Variants in TMEM52 observed in about 807,000 individuals in gnomAD.
The protein encoded by TMEM52 is transmembrane protein 52.
Under a neutral mutation model 16.2 loss-of-function variants are expected in TMEM52, and 14 were observed. The ratio of observed to expected loss-of-function variants is 0.87; its 90% CI spans 0.57 to 1.35. The LOEUF is 1.35. Among genes scored for constraint, TMEM52 ranks in the 40% most tolerant of loss-of-function variants. The pLI is 0.00. For missense variants in TMEM52, 309 were observed against 278.6 expected (o/e 1.11, Z -0.78); for synonymous variants, 136 against 124.7 (o/e 1.09, Z -0.60).
Position 1,919,277 on chromosome 1 carries a change from G to A in TMEM52, c.-12C>T. 2.9e-6 allele frequency: 4 copies of A among 1,379,728 alleles called. No homozygotes were observed. Among genetic ancestry groups the A allele is most frequent in the South Asian group, 1.7e-5 (1 of 59,878 alleles). The allele number at this position is 1,379,728 out of a possible 1,614,324, so 85.5% of individuals were successfully genotyped here. ...GGCCCCCGGGCCATGCTCTGAGGAG[G>A]TTGGAGCAAAGCCCGGCGGCGCGGC... On this transcript the variant is annotated 5_prime_UTR_variant, in exon 1 of 5. Coordinates refer to ENST00000310991, the MANE Select transcript of TMEM52 (RefSeq NM_178545.4).
chr1:1,918,895 C>T lies in TMEM52; in HGVS notation c.168G>A (p.Val56=). ...PQARWSSLWH[V]GLILLAVLLL... ...GCTCCGCCGCGGCCTCCACTTACCCCACGTGCCACAGGCTGCTCCAGCGGG... is the reference window on the plus strand; with the variant it reads ...GCTCCGCCGCGGCCTCCACTTACCCTACGTGCCACAGGCTGCTCCAGCGGG... Residue 56 remains valine (V), a splice_region_variant and synonymous_variant, in exon 3 of 5, where the codon GTG becomes GTA. Transcript: ENST00000310991. 3 of 1,429,874 alleles carry T rather than the reference C, an allele frequency of 2.1e-6. No homozygotes were observed. The highest frequency in any genetic ancestry group is 9.1e-7 in the Non-Finnish European group (1 of 1,104,682). 88.6% of individuals were successfully genotyped at this position (1,429,874 alleles called of 1,614,324 possible). A position where few individuals can be genotyped will look rare whatever the true frequency, so the allele number is the denominator to read the frequency against.
In TMEM52 at chr1:1,918,160, A is replaced by G; in HGVS notation, c.352T>C (p.Tyr118His). The G allele has an allele frequency of 1.2e-6, 2 of 1,611,570 alleles. No individual in the cohort carries two copies. The highest frequency in any genetic ancestry group is 1.7e-6 in the Non-Finnish European group (2 of 1,178,686). The change falls in exon 5 of 5, where the codon TAC becomes CAC. Residue 118 changes from tyrosine to histidine, a missense_variant and splice_region_variant. Tyr to His is a moderately conservative substitution (Grantham distance 83). Coordinates refer to ENST00000310991, the MANE Select transcript of TMEM52 (RefSeq NM_178545.4). ...DSPVHSTVTSYSSVQYPLGMR... is the reference protein window; with the variant it reads ...DSPVHSTVTSHSSVQYPLGMR... Reference sequence around the variant, plus strand: ...CCCAGTGGGTACTGCACGGAGCTGTAGGCTGCAGGGAACCAGAGTGGGTTC... The same window carrying G: ...CCCAGTGGGTACTGCACGGAGCTGTGGGCTGCAGGGAACCAGAGTGGGTTC...
chr1:1,918,867 A>C, intron 3 of TMEM52, 26 bp downstream of exon 3: 1 of 1,476,242 alleles, frequency 6.8e-7, no homozygotes, highest in Non-Finnish European at 8.9e-7. Context: ...CGTCGGACGC[A>C]CGGCTCCGCC....
chr1:1,919,219 G>A lies in TMEM52; in HGVS notation c.47C>T (p.Pro16Leu), dbSNP rs1570797098. The A allele has an allele frequency of 1.7e-6, 2 of 1,148,858 alleles. No individual in the cohort carries two copies. The highest frequency in any genetic ancestry group is 2.3e-6 in the Non-Finnish European group (2 of 869,174). The allele number at this position is 1,148,858 out of a possible 1,614,324, so 71.2% of individuals were successfully genotyped here. Residue 16 changes from proline (P) to leucine (L), a missense_variant, in exon 1 of 5, where the codon CCG (proline) becomes CTG (leucine). Transcript: ENST00000310991. ...LAARGLRLLLPLLPLLPLLPL... is the reference protein window; with the variant it reads ...LAARGLRLLLLLLPLLPLLPL... ...CAGGAGCGGCAGGAGCGGCAGGAGC[G>A]GCAGCAGCAGCCGCAGTCCGCGGGC...
Position 1,919,268 on chromosome 1 carries a change from T to A in TMEM52, c.-3A>T. ...GCGGCCAGCGGCCCCCGGGCCATGCTCTGAGGAGGTTGGAGCAAAGCCCGG... is the reference window on the plus strand; with the variant it reads ...GCGGCCAGCGGCCCCCGGGCCATGCACTGAGGAGGTTGGAGCAAAGCCCGG... On this transcript the variant is annotated 5_prime_UTR_variant, in exon 1 of 5. Coordinates refer to ENST00000310991, the MANE Select transcript of TMEM52 (RefSeq NM_178545.4). The A allele has an allele frequency of 2.2e-6, 3 of 1,381,014 alleles. No individual in the cohort carries two copies. The South Asian group carries it at 5.0e-5, about 23-fold the overall frequency. 85.5% of individuals were successfully genotyped at this position (1,381,014 alleles called of 1,614,324 possible).
chr1:1,917,932 C>T lies in TMEM52; in HGVS notation c.580G>A (p.Glu194Lys). 6.2e-7 allele frequency: 1 copy of T among 1,613,834 alleles called. No homozygotes were observed. The highest frequency in any genetic ancestry group is 1.1e-5 in the South Asian group (1 of 91,090). The change falls in exon 5 of 5, where the codon GAG (glutamate) becomes AAG (lysine). Residue 194 changes from glutamate (E) to lysine (K), a missense_variant. By Grantham distance (56) the Glu-to-Lys change is moderately conservative. Transcript: ENST00000310991. ...GGTAGTTGAGTATTGGGGCCCGACT[C>T]CTGGGGCACTGGAGTGGTCTCTAGG... ...SGLETTPVPQESGPNTQLPPC... is the reference protein window; with the variant it reads ...SGLETTPVPQKSGPNTQLPPC...
rs755012190 is a variant in TMEM52, at chr1:1,917,993, G to A, written c.519C>T (p.Leu173=). 3.6e-5 allele frequency: 58 copies of A among 1,613,866 alleles called. No homozygotes were observed. The highest frequency in any genetic ancestry group is 4.7e-5 in the Non-Finnish European group (56 of 1,180,028). Residue 173 remains leucine (L), a synonymous_variant, in exon 5 of 5, where the codon CTC becomes CTT. Transcript: ENST00000310991. Reference sequence around the variant, plus strand: ...CAAGGAGAGGGCTGGGTTTCTGGGAGAGTGCTGGTCCTTCCTCTCTGGGCT... The same window carrying A: ...CAAGGAGAGGGCTGGGTTTCTGGGAAAGTGCTGGTCCTTCCTCTCTGGGCT... ...MAKPREEGPA[L]SQKPSPLLGA... is the part of the protein sequence containing the mutation.
At chr1:1,918,551 C>T in intron 3 of TMEM52, 120 bp from the exon 4 acceptor site, 2 of 958,954 alleles carry the variant, frequency 2.1e-6, no homozygotes, top group East Asian at 2.6e-5. Flanking sequence ...GACAATGTCT[C>T]TCCATGTCGG....
chr1:1,917,653 C>T lies in TMEM52; in HGVS notation c.*229G>A. On this transcript the variant is annotated 3_prime_UTR_variant, in exon 5 of 5. Transcript: ENST00000310991. ...TGCAGACGTCACAGGTGGCCCTGAG[C>T]TCCCACCCGAGGCTTAGGCCCAAGG... 1.7e-6 allele frequency: 1 copy of T among 595,732 alleles called. No homozygotes were observed. Among genetic ancestry groups the T allele is most frequent in the Non-Finnish European group, 3.0e-6 (1 of 336,358 alleles). 36.9% of individuals were successfully genotyped at this position (595,732 alleles called of 1,614,324 possible). A position where few individuals can be genotyped will look rare whatever the true frequency, so the allele number is the denominator to read the frequency against.
Position 1,919,096 on chromosome 1 carries a change from G to A in TMEM52, c.85-8C>T. ...CGCGAAGCCCAGCGCCACCTGTGGG[G>A]ACAAGGGTGAGCCCGGGAGGGGCGT... On this transcript the variant is annotated splice_polypyrimidine_tract_variant and splice_region_variant and intron_variant, in intron 1 of 4. Transcript: ENST00000310991. The A allele has an allele frequency of 7.4e-7, 1 of 1,351,782 alleles. No homozygotes were observed. The highest frequency in any genetic ancestry group is 9.5e-7 in the Non-Finnish European group (1 of 1,056,762). The allele number at this position is 1,351,782 out of a possible 1,614,324, so 83.7% of individuals were successfully genotyped here.
chr1:1,918,971 G>A (rs1446025837), intron 2 of TMEM52, 37 bp from the exon 3 acceptor site: 5 of 1,351,332 alleles, frequency 3.7e-6, no homozygotes, highest in African/African-American at 1.5e-5. Context: ...GGCGGGGCAT[G>A]GGACGGCCGA....
rs1055332555 is a variant in TMEM52 at position 1,919,091 on chromosome 1, G to A, written c.85-3C>T. 7.4e-7 allele frequency: 1 copy of A among 1,346,932 alleles called. No individual in the cohort carries two copies. The highest frequency in any genetic ancestry group is 9.5e-7 in the Non-Finnish European group (1 of 1,053,704). 83.4% of individuals were successfully genotyped at this position (1,346,932 alleles called of 1,614,324 possible). On this transcript the variant is annotated splice_polypyrimidine_tract_variant and splice_region_variant and intron_variant, in intron 1 of 4. Transcript: ENST00000310991. ...CCGTCCGCGAAGCCCAGCGCCACCT[G>A]TGGGGACAAGGGTGAGCCCGGGAGG...
Position 1,917,613 on chromosome 1 carries a change from C to T in TMEM52, c.*269G>A, listed in dbSNP as rs1001214542. 3 of 569,358 alleles carry T rather than the reference C, an allele frequency of 5.3e-6. No homozygotes were observed. The highest frequency in any genetic ancestry group is 3.1e-6 in the Non-Finnish European group (1 of 320,702). The allele number at this position is 569,358 out of a possible 1,614,324, so 35.3% of individuals were successfully genotyped here. On this transcript the variant is annotated 3_prime_UTR_variant, in exon 5 of 5. Transcript: ENST00000310991. ...AGACCACTTAAATACAAACTTTATT[C>T]TCTCTCCAAGAAGATGCAGACGTCA...
chr1:1,918,876 C>T lies in TMEM52; in HGVS notation c.170+17G>A. ...CAGAACCGTCGGACGCACGGCTCCGCCGCGGCCTCCACTTACCCCACGTGC... is the reference window on the plus strand; with the variant it reads ...CAGAACCGTCGGACGCACGGCTCCGTCGCGGCCTCCACTTACCCCACGTGC... On this transcript the variant is annotated intron_variant, in intron 3 of 4. Transcript: ENST00000310991. 1 of 1,463,986 alleles carries T rather than the reference C, an allele frequency of 6.8e-7. No homozygotes were observed. The highest frequency in any genetic ancestry group is 8.9e-7 in the Non-Finnish European group (1 of 1,118,874). The allele number at this position is 1,463,986 out of a possible 1,614,324, so 90.7% of individuals were successfully genotyped here. A position where few individuals can be genotyped will look rare whatever the true frequency, so the allele number is the denominator to read the frequency against.
chr1:1,919,278 T>C lies in TMEM52; in HGVS notation c.-13A>G, dbSNP rs756936741. On this transcript the variant is annotated 5_prime_UTR_variant, in exon 1 of 5. Coordinates refer to ENST00000310991, the MANE Select transcript of TMEM52 (RefSeq NM_178545.4). Reference sequence around the variant, plus strand: ...GCCCCCGGGCCATGCTCTGAGGAGGTTGGAGCAAAGCCCGGCGGCGCGGCT... The same window carrying C: ...GCCCCCGGGCCATGCTCTGAGGAGGCTGGAGCAAAGCCCGGCGGCGCGGCT... 8.0e-6 allele frequency: 11 copies of C among 1,377,586 alleles called. No individual in the cohort carries two copies. Among genetic ancestry groups the C allele is most frequent in the Middle Eastern group, 5.3e-4 (2 of 3,798 alleles). The allele number at this position is 1,377,586 out of a possible 1,614,324, so 85.3% of individuals were successfully genotyped here.
rs1651217498 is a variant in TMEM52, at chr1:1,918,239, C to T, written c.349+14G>A. On this transcript the variant is annotated intron_variant, in intron 4 of 4. Transcript: ENST00000310991. ...CCATCTCCACCCTCAACTGGCGGGCCCCTAGGCACTCACAGGTCACAGTGC... is the reference window on the plus strand; with the variant it reads ...CCATCTCCACCCTCAACTGGCGGGCTCCTAGGCACTCACAGGTCACAGTGC... The T allele has an allele frequency of 1.2e-6, 2 of 1,608,664 alleles. No individual in the cohort carries two copies. Among genetic ancestry groups the T allele is most frequent in the South Asian group, 1.1e-5 (1 of 90,990 alleles).
rs1651242829 is a variant in TMEM52, at chr1:1,918,875, G to A, written c.170+18C>T. 1 of 1,465,240 alleles carries A rather than the reference G, an allele frequency of 6.8e-7. No individual in the cohort carries two copies. Among genetic ancestry groups the A allele is most frequent in the Non-Finnish European group, 8.9e-7 (1 of 1,119,394 alleles). 90.8% of individuals were successfully genotyped at this position (1,465,240 alleles called of 1,614,324 possible). On this transcript the variant is annotated intron_variant, in intron 3 of 4. Coordinates refer to ENST00000310991, the MANE Select transcript of TMEM52 (RefSeq NM_178545.4). ...CCAGAACCGTCGGACGCACGGCTCC[G>A]CCGCGGCCTCCACTTACCCCACGTG...
chr1:1,917,747 A>C lies in TMEM52; in HGVS notation c.*135T>G. The C allele has an allele frequency of 9.9e-7, 1 of 1,015,110 alleles. No individual in the cohort carries two copies. Among genetic ancestry groups the C allele is most frequent in the Non-Finnish European group, 1.5e-6 (1 of 681,920 alleles). 62.9% of individuals were successfully genotyped at this position (1,015,110 alleles called of 1,614,324 possible). ...TGAGGCTGAAAGCAGCAGCCTGCCT[A>C]GTGGGTGACGCCAGGGGCCGGTGTA... On this transcript the variant is annotated 3_prime_UTR_variant, in exon 5 of 5. Coordinates refer to ENST00000310991, the MANE Select transcript of TMEM52 (RefSeq NM_178545.4).
chr1:1,918,430 G>A lies in TMEM52; in HGVS notation c.172C>T (p.Leu58Phe), dbSNP rs1323291728. 6.2e-7 allele frequency: 1 copy of A among 1,610,912 alleles called. No homozygotes were observed. The highest frequency in any genetic ancestry group is 8.5e-7 in the Non-Finnish European group (1 of 1,179,080). The change falls in exon 4 of 5, where the codon CTC becomes TTC. Residue 58 changes from leucine (L) to phenylalanine (F), a missense_variant and splice_region_variant. Physicochemically the swap from Leu to Phe is conservative, Grantham distance 22. Coordinates refer to ENST00000310991, the MANE Select transcript of TMEM52 (RefSeq NM_178545.4). Reference sequence around the variant, plus strand: ...AGCAGGAGGACCGCCAGCAGGATGAGCCTAGGAGAGCAAGGCTCTACCACT... The same window carrying A: ...AGCAGGAGGACCGCCAGCAGGATGAACCTAGGAGAGCAAGGCTCTACCACT... ...ARWSSLWHVG[L>F]ILLAVLLLLL...
Sources: gnomAD v4.1 joint callset for allele counts on GRCh38, gnomAD v4.1.1 for gene constraint, MANE v1.5 for transcripts, NCBI Gene and HGNC (gene_info 2026-07-23, HGNC 2026-07-21) for gene names.